The following TBC1D30 variants were observed in gnomAD, a reference collection of about 807,000 sequenced individuals.
The protein encoded by TBC1D30 is TBC1 domain family member 30.
In TBC1D30, 31 loss-of-function variants were observed where a neutral mutation model predicts 63.2. The observed-to-expected ratio is 0.49, with a 90% CI of 0.37 to 0.66. TBC1D30 has a LOEUF of 0.66. Among genes scored for constraint, TBC1D30 ranks in the 30% least tolerant of loss-of-function variants. The probability of loss-of-function intolerance (pLI) is 0.00; values close to 1 mark genes in which losing one functional copy is unlikely to be tolerated. For missense variants in TBC1D30, 810 were observed against 953.6 expected, an observed-to-expected ratio of 0.85 and a Z score of 1.98; for synonymous variants, 307 against 361.5, an observed-to-expected ratio of 0.85 and a Z score of 1.71.
chr12:64,783,954 A>T (rs1429113936), intron 1 of TBC1D30, among the ~76,000 whole-genome samples: 1 of 148,920 alleles, frequency 6.7e-6, no homozygotes, highest in Non-Finnish European at 1.5e-5. Context: ...CACCGTGCCC[A>T]GCCCAAAATA....
chr12:64,805,828 G>T (rs1384689921), intron 2 of TBC1D30, among the ~76,000 whole-genome samples: 1 of 151,950 alleles, frequency 6.6e-6, no homozygotes, highest in East Asian at 1.9e-4. Flanking sequence ...GTGAGACTCT[G>T]TCTCAAAAAA....
At chr12:64,819,355 C>A (rs1027290924) in intron 2 of TBC1D30, among the ~76,000 whole-genome samples, 2 of 149,224 alleles carry the variant, frequency 1.3e-5, no homozygotes, top group African/African-American at 4.9e-5. Context: ...GAAACTGTTA[C>A]AATGCTCATA....
At chr12:64,867,495 T>C (rs2136466725) in intron 10 of TBC1D30, among the ~76,000 whole-genome samples, 1 of 152,140 alleles carries the variant, frequency 6.6e-6, no homozygotes, top group Admixed American at 6.5e-5. Flanking sequence ...AAGTATCTTC[T>C]CTGTTACTTT....
At chr12:64,823,082 A>G (rs2136348246), upstream of TBC1D30, among the ~76,000 whole-genome samples, 1 of 152,200 alleles carries the variant, frequency 6.6e-6, no homozygotes, top group East Asian at 1.9e-4. Context: ...TTCCCATATA[A>G]ATATATAATT....
At chr12:64,835,733 T>G (rs377169457) in intron 5 of TBC1D30, among the ~76,000 whole-genome samples, 1 of 152,144 alleles carries the variant, frequency 6.6e-6, no homozygotes, top group Non-Finnish European at 1.5e-5. Flanking sequence ...AAACATTGAA[T>G]GGAAATACAT....
At chr12:64,775,322 A>T (rs139140861) in intron 1 of TBC1D30, among the ~76,000 whole-genome samples, 1 of 152,162 alleles carries the variant, frequency 6.6e-6, no homozygotes, top group African/African-American at 2.4e-5. Context: ...CCCAATTAAA[A>T]GACACAGAAT....
intron 1 of TBC1D30, among the ~76,000 whole-genome samples, chr12:64,765,677 G>C (rs1303901141): frequency 6.6e-6 from 1 of 151,254 alleles, no homozygotes; most frequent in Non-Finnish European, 1.5e-5. Context: ...AGGAAAACAT[G>C]AGCCAACTGA....
intron 1 of TBC1D30, among the ~76,000 whole-genome samples, chr12:64,762,317 T>G (rs1050508886): frequency 6.6e-6 from 1 of 152,212 alleles, no homozygotes; most frequent in African/African-American, 2.4e-5. Flanking sequence ...TAAGGCTAAT[T>G]GGAAATTACT....
In TBC1D30 at chr12:64,870,474, C is replaced by T. The variant is rs572266243; in HGVS notation, c.1292-128C>T. The stretch of plus-strand genomic sequence containing the variant: ...TAAGCACTAGACAAACTCTAGTATG[C>T]GTTTTTTTCTGTGGTTTAGAATTTC... On this transcript the variant is annotated intron_variant, in intron 10 of 11. Transcript: ENST00000539867. 4.6e-4 allele frequency: 327 copies of T among 704,256 alleles called. 1 individual carries two copies. Among genetic ancestry groups the T allele is most frequent in the Non-Finnish European group, 7.1e-4 (301 of 425,024 alleles). 43.6% of individuals were successfully genotyped at this position (704,256 alleles called of 1,614,324 possible). A position where few individuals can be genotyped will look rare whatever the true frequency, so the allele number is the denominator to read the frequency against.
chr12:64,797,499 T>C (rs923711043), intron 2 of TBC1D30, among the ~76,000 whole-genome samples: 3 of 152,188 alleles, frequency 2.0e-5, no homozygotes, highest in Admixed American at 6.5e-5. Flanking sequence ...CTCTGCACAT[T>C]CTGTCTCTGC....
upstream of TBC1D30, among the ~76,000 whole-genome samples, chr12:64,777,872 G>A (rs114800627): frequency 7.1e-3 from 1,086 of 152,330 alleles, 13 homozygotes; most frequent in African/African-American, 0.025. Context: ...TGATTCTCAT[G>A]CCTCATCCTT....
At chr12:64,795,769 A>G (rs1393685678) in intron 2 of TBC1D30, among the ~76,000 whole-genome samples, 1 of 133,268 alleles carries the variant, frequency 7.5e-6, no homozygotes, top group East Asian at 2.1e-4. Context: ...TATCTTTACA[A>G]TATTTTTAGT....
At chr12:64,795,704 C>CT (rs1200673199) in intron 2 of TBC1D30, among the ~76,000 whole-genome samples, 3,200 of 133,054 alleles carry the variant, frequency 0.024, 123 homozygotes, top group African/African-American at 0.074. Context: ...CTCCACGCTC[C>CT]TTTTTTTTTT....
intron 7 of TBC1D30, among the ~76,000 whole-genome samples, chr12:64,840,847 T>C (rs1370541375): frequency 6.6e-6 from 1 of 152,234 alleles, no homozygotes; most frequent in Non-Finnish European, 1.5e-5. Context: ...AGTTTTTGCT[T>C]ATTATAATTC....
chr12:64,867,020 GTCTT>G, intron 10 of TBC1D30, 117 bp downstream of exon 10: 1 of 1,161,958 alleles, frequency 8.6e-7, no homozygotes, highest in Non-Finnish European at 1.2e-6. Context: ...ACTATTAAAA[GTCTT>G]TATTAGGCTA....
At chr12:64,840,617 G>A (rs1179388656) in intron 7 of TBC1D30, among the ~76,000 whole-genome samples, 3 of 152,144 alleles carry the variant, frequency 2.0e-5, no homozygotes, top group Admixed American at 2.0e-4. Context: ...ACGCACTGTT[G>A]TCATCTCCAT....
At chr12:64,789,689 C>T (rs994453787) in intron 2 of TBC1D30, among the ~76,000 whole-genome samples, 2 of 152,120 alleles carry the variant, frequency 1.3e-5, no homozygotes, top group African/African-American at 4.8e-5. Context: ...TGGTTTCCTA[C>T]ACCAAGCCTT....
chr12:64,787,789 A>T (rs1345661838), intron 2 of TBC1D30, among the ~76,000 whole-genome samples: 1 of 152,232 alleles, frequency 6.6e-6, no homozygotes, highest in African/African-American at 2.4e-5. Context: ...TAATCCCAGC[A>T]CTTTGGGAGG....
At chr12:64,857,788 C>G (rs1303778336) in intron 8 of TBC1D30, among the ~76,000 whole-genome samples, 1 of 152,234 alleles carries the variant, frequency 6.6e-6, no homozygotes. Flanking sequence ...ATGGGCGATT[C>G]CCCACTGGCT....
Sources: allele counts gnomAD v4.1 joint callset (sites outside exome capture counted in the v4.1 genomes callset), GRCh38; gene constraint gnomAD v4.1.1; transcripts MANE v1.5; gene names NCBI Gene and HGNC (gene_info 2026-07-23, HGNC 2026-07-21).